The following PLXNA4 variants were observed in gnomAD, a reference collection of about 807,000 sequenced individuals.
The protein encoded by PLXNA4 is plexin-A4.
In PLXNA4, 44 loss-of-function variants were observed where a neutral mutation model predicts 191.8. The ratio of observed to expected loss-of-function variants is 0.23; its 90% confidence interval spans 0.18 to 0.29. The LOEUF (loss-of-function observed/expected upper bound fraction) is 0.29, where lower values mean the gene tolerates loss of function less well. PLXNA4 is among the 10% of genes least tolerant of loss of function. PLXNA4 has a pLI of 1.00. For missense variants in PLXNA4, 1,800 were observed against 2,488.8 expected, an observed-to-expected ratio of 0.72 and a Z score of 5.89; for synonymous variants, 1,082 against 1,009.5, an observed-to-expected ratio of 1.07 and a Z score of -1.36.
chr7:132,363,594 G>A (rs1253808478), intron 3 of PLXNA4, among the ~76,000 whole-genome samples: 1 of 152,090 alleles, frequency 6.6e-6, no homozygotes, highest in Non-Finnish European at 1.5e-5. Context: ...CCATTCATCT[G>A]TTGATGGACA....
intron 2 of PLXNA4, among the ~76,000 whole-genome samples, chr7:132,496,771 G>T (rs911399800): frequency 6.6e-6 from 1 of 152,246 alleles, no homozygotes; most frequent in East Asian, 1.9e-4. Flanking sequence ...TCTATTCCAG[G>T]ATCAGAGGAA....
At chr7:132,556,636 C>T (rs1456363874) in intron 1 of PLXNA4, among the ~76,000 whole-genome samples, 2 of 152,244 alleles carry the variant, frequency 1.3e-5, no homozygotes, top group Non-Finnish European at 2.9e-5. Context: ...TGCTCCCCTG[C>T]TTCTGGAGCC....
In PLXNA4 at chr7:132,384,800, C is replaced by T. The variant is rs1011373720; in HGVS notation, c.1372-86578G>A. 14 of 1,118,602 alleles carry T rather than the reference C, an allele frequency of 1.3e-5. No homozygotes were observed. In the Admixed American group the frequency reaches 3.9e-4, roughly 31 times the overall value. The allele number at this position is 1,118,602 out of a possible 1,614,324, so 69.3% of individuals were successfully genotyped here. ...CACACACACACACACACTGGCCAGG[C>T]GACTTGGCTGCAGAAGTGGACAGAT... On this transcript the variant is annotated intron_variant, in intron 3 of 31. Coordinates refer to ENST00000321063, the MANE Select transcript of PLXNA4 (RefSeq NM_020911.2).
At chr7:132,169,493 A>G (rs1360664380) in intron 21 of PLXNA4, among the ~76,000 whole-genome samples, 1 of 152,218 alleles carries the variant, frequency 6.6e-6, no homozygotes, top group African/African-American at 2.4e-5. Flanking sequence ...ATTCCACCCA[A>G]TGGATACCAC....
intron 4 of PLXNA4, among the ~76,000 whole-genome samples, chr7:132,283,761 G>A (rs990339435): frequency 1.3e-5 from 2 of 152,248 alleles, no homozygotes; most frequent in Non-Finnish European, 2.9e-5. Context: ...CATGAGTTCT[G>A]TGGCCAAATG....
intron 2 of PLXNA4, among the ~76,000 whole-genome samples, chr7:132,633,410 GTA>G (rs1803531793): frequency 6.6e-6 from 1 of 151,962 alleles, no homozygotes; most frequent in Non-Finnish European, 1.5e-5. Flanking sequence ...AGCCTTCTGA[GTA>G]GCTGGGATTA....
At chr7:132,595,248 T>G (rs984961939) in intron 2 of PLXNA4, among the ~76,000 whole-genome samples, 3 of 151,966 alleles carry the variant, frequency 2.0e-5, no homozygotes, top group African/African-American at 7.2e-5. Flanking sequence ...AACACCACTT[T>G]GAGATGTATA....
At chr7:132,453,831 C>T (rs376010082) in intron 3 of PLXNA4, among the ~76,000 whole-genome samples, 27 of 152,298 alleles carry the variant, frequency 1.8e-4, no homozygotes, top group East Asian at 1.2e-3. Context: ...TGAGCCACCG[C>T]GCCCAGCCAA....
chr7:132,435,882 T>C (rs1795452849), intron 3 of PLXNA4, among the ~76,000 whole-genome samples: 1 of 152,188 alleles, frequency 6.6e-6, no homozygotes, highest in Non-Finnish European at 1.5e-5. Context: ...AAGGCCAGGG[T>C]CAGCAGCCAG....
intron 30 of PLXNA4, among the ~76,000 whole-genome samples, chr7:132,134,777 T>TTCCA (rs1480079532): frequency 6.6e-6 from 1 of 152,270 alleles, no homozygotes; most frequent in East Asian, 1.9e-4. Context: ...TCATTTGTAT[T>TTCCA]TCCATCCTTC....
intron 14 of PLXNA4, among the ~76,000 whole-genome samples, chr7:132,193,011 G>A (rs1162411907): frequency 6.6e-6 from 1 of 152,132 alleles, no homozygotes; most frequent in African/African-American, 2.4e-5. Context: ...TGAGAGGTGG[G>A]CAGGGGTTAA....
At chr7:132,194,910 C>A (rs1025376677) in intron 13 of PLXNA4, among the ~76,000 whole-genome samples, 1 of 151,696 alleles carries the variant, frequency 6.6e-6, no homozygotes, top group Non-Finnish European at 1.5e-5. Context: ...ATGTATGTAT[C>A]TTTGCAGACA....
intron 2 of PLXNA4, among the ~76,000 whole-genome samples, chr7:132,497,918 A>G (rs1798092669): frequency 6.6e-6 from 1 of 152,118 alleles, no homozygotes; most frequent in Non-Finnish European, 1.5e-5. Context: ...TGTGTAACAG[A>G]AAGAGGGAGA....
upstream of PLXNA4, among the ~76,000 whole-genome samples, chr7:132,578,126 G>A (rs999533658): frequency 6.6e-6 from 1 of 152,194 alleles, no homozygotes; most frequent in Non-Finnish European, 1.5e-5. Context: ...AGGCAGTGAA[G>A]ATGGGGAGTG....
rs1466294850 is a variant in PLXNA4, at chr7:132,538,787, C to T, written c.-86-30008G>A. On this transcript the variant is annotated intron_variant, in intron 1 of 31. Transcript: ENST00000321063. ...CCGGCTTCCCACACTTTGATTCCAG[C>T]TGCTGCCATCATGACCAACCAGAGG... is the stretch of plus-strand genomic sequence containing the variant. Among the ~76,000 whole-genome samples the T allele has an allele frequency of 2.0e-5, 3 of 152,168 alleles. No homozygotes were observed. The East Asian group carries it at 5.8e-4, about 29-fold the overall frequency.
intron 1 of PLXNA4, among the ~76,000 whole-genome samples, chr7:132,533,153 C>G (rs1799692327): frequency 1.3e-5 from 2 of 152,156 alleles, no homozygotes; most frequent in African/African-American, 2.4e-5. Flanking sequence ...CCTGTATTCC[C>G]TTTGCAGCTA....
chr7:132,456,096 C>T (rs1049947288), intron 3 of PLXNA4, among the ~76,000 whole-genome samples: 7 of 150,082 alleles, frequency 4.7e-5, no homozygotes, highest in African/African-American at 1.7e-4. Context: ...GGTCCCTCTT[C>T]GCATCTCCTC....
chr7:132,419,952 C>A (rs1794794388), intron 3 of PLXNA4, among the ~76,000 whole-genome samples: 1 of 151,944 alleles, frequency 6.6e-6, no homozygotes, highest in African/African-American at 2.4e-5. Flanking sequence ...GAAAAAAAAT[C>A]CTTAGCTTAT....
chr7:132,206,620 C>G (rs527510889), intron 10 of PLXNA4, among the ~76,000 whole-genome samples: 1 of 152,254 alleles, frequency 6.6e-6, no homozygotes, highest in Admixed American at 6.5e-5. Flanking sequence ...CCCATGTGCT[C>G]CCCCTCAGCC....
Sources: gnomAD v4.1 joint callset for allele counts (sites outside exome capture counted in the v4.1 genomes callset) on GRCh38, gnomAD v4.1.1 for gene constraint, MANE v1.5 for transcripts, NCBI Gene and HGNC (gene_info 2026-07-23, HGNC 2026-07-21) for gene names.